The following ACCSL variants were observed in gnomAD, a reference collection of about 807,000 sequenced individuals.
The protein encoded by ACCSL is 1-aminocyclopropane-1-carboxylate synthase homolog (inactive) like.
Under a neutral mutation model 61.7 loss-of-function variants are expected in ACCSL, and 55 were observed. That is an observed-to-expected ratio of 0.89 (90% CI 0.72 to 1.12). The LOEUF is 1.12. ACCSL is among the 50% of genes most tolerant of loss of function. The probability of loss-of-function intolerance (pLI) is 0.00; values close to 1 mark genes in which losing one functional copy is unlikely to be tolerated. For synonymous variants in ACCSL, 258 were observed against 264.3 expected (o/e 0.98, Z 0.23); for missense variants, 632 against 698.0 (o/e 0.91, Z 1.07).
intron 8 of ACCSL, 132 bp downstream of exon 8, chr11:44,053,638 G>A: frequency 5.2e-6 from 4 of 765,246 alleles, no homozygotes; most frequent in Non-Finnish European, 8.5e-6. Flanking sequence ...CGAGAAGGTG[G>A]ATCACTTGAG....
chr11:44,035,551 G>C, the ACCSL span, among the ~76,000 whole-genome samples: 22 of 152,172 alleles, frequency 1.4e-4, no homozygotes, highest in Non-Finnish European at 3.1e-4. Context: ...GAAAGAAGCA[G>C]AGTAAAGCAT....
the ACCSL span, among the ~76,000 whole-genome samples, chr11:43,983,544 T>C: frequency 6.6e-6 from 1 of 152,106 alleles, no homozygotes; most frequent in African/African-American, 2.4e-5. Flanking sequence ...AATGATTGCA[T>C]TGAGATCATG....
the ACCSL span, among the ~76,000 whole-genome samples, chr11:43,957,523 C>G: frequency 2.0e-5 from 3 of 152,234 alleles, no homozygotes; most frequent in East Asian, 5.8e-4. Flanking sequence ...CTTATCAGAC[C>G]TTAAAAGGCG....
At chr11:44,007,431 T>C in the ACCSL span, among the ~76,000 whole-genome samples, 1 of 152,186 alleles carries the variant, frequency 6.6e-6, no homozygotes, top group Admixed American at 6.5e-5. Flanking sequence ...GGGAAGCATC[T>C]GTGCAAAAGC....
chr11:44,020,007 T>C, the ACCSL span, among the ~76,000 whole-genome samples: 1 of 152,232 alleles, frequency 6.6e-6, no homozygotes. Context: ...TGGAAAAAAC[T>C]ATTTTTGCCC....
At chr11:43,947,242 C>T in the ACCSL span, 2 of 152,206 alleles carry the variant, frequency 1.3e-5, no homozygotes, top group Non-Finnish European at 2.9e-5. Context: ...CACACATTGC[C>T]GTGGGGAGGG....
At chr11:44,038,337 C>G in the ACCSL span, among the ~76,000 whole-genome samples, 1 of 152,124 alleles carries the variant, frequency 6.6e-6, no homozygotes, top group African/African-American at 2.4e-5. Flanking sequence ...GCACTGCCTA[C>G]CTGTTGTGTT....
At chr11:43,922,628 A>G in the ACCSL span, among the ~76,000 whole-genome samples, 1 of 152,182 alleles carries the variant, frequency 6.6e-6, no homozygotes, top group Non-Finnish European at 1.5e-5. Flanking sequence ...GAGTTAGACA[A>G]ATTCTCAGCC....
chr11:43,999,140 C>T, the ACCSL span, among the ~76,000 whole-genome samples: 2 of 152,160 alleles, frequency 1.3e-5, no homozygotes, highest in Non-Finnish European at 2.9e-5. Flanking sequence ...ATGTTAAGCG[C>T]TTAAGACACA....
the ACCSL span, among the ~76,000 whole-genome samples, chr11:44,025,042 T>C: frequency 6.6e-6 from 1 of 152,224 alleles, no homozygotes; most frequent in South Asian, 2.1e-4. Context: ...GTAAATATTC[T>C]ATTCTTTTAC....
At chr11:44,020,909 T>G in the ACCSL span, among the ~76,000 whole-genome samples, 1 of 152,200 alleles carries the variant, frequency 6.6e-6, no homozygotes, top group African/African-American at 2.4e-5. Flanking sequence ...TTACTTCACT[T>G]AGAATGATGG....
chr11:43,940,656 G>A, the ACCSL span, among the ~76,000 whole-genome samples: 3 of 152,048 alleles, frequency 2.0e-5, no homozygotes, highest in African/African-American at 4.8e-5. Flanking sequence ...CACCGCACCC[G>A]GCTGAAATTC....
At chr11:44,059,817 G>C (rs1322648401) in intron 13 of ACCSL, 21 bp from the exon 14 acceptor site, 1 of 1,609,244 alleles carries the variant, frequency 6.2e-7, no homozygotes, top group Non-Finnish European at 8.5e-7. Flanking sequence ...ATTTCTCTCT[G>C]TCCCCATTTG....
the ACCSL span, among the ~76,000 whole-genome samples, chr11:44,028,562 A>G: frequency 6.6e-6 from 1 of 152,314 alleles, no homozygotes; most frequent in East Asian, 1.9e-4. Flanking sequence ...CAGCTGCTCC[A>G]TGGGTCTGCC....
chr11:43,956,503 T>C, the ACCSL span, among the ~76,000 whole-genome samples: 4 of 152,216 alleles, frequency 2.6e-5, no homozygotes, highest in South Asian at 6.2e-4. Flanking sequence ...CACTGCAACC[T>C]CAGCCTCCTG....
the ACCSL span, among the ~76,000 whole-genome samples, chr11:43,987,888 G>A: frequency 6.6e-6 from 1 of 152,202 alleles, no homozygotes; most frequent in South Asian, 2.1e-4. Flanking sequence ...AGGCAGAGAA[G>A]ATTTTTCCTT....
the ACCSL span, among the ~76,000 whole-genome samples, chr11:43,992,777 G>T: frequency 6.6e-6 from 1 of 152,206 alleles, no homozygotes; most frequent in African/African-American, 2.4e-5. Context: ...CATTAGTATA[G>T]GTGCAGTAAC....
Position 44,051,379 on chromosome 11 carries a change from C to T in ACCSL, c.680C>T (p.Ala227Val), listed in dbSNP as rs202044258. ...CGGTTCCTGACCTACTACTGCAGGG[C>T]ACCTACCCGACTTGACCCAGAAAAT... Reference protein sequence around the residue: ...VARFLTYYCRAPTRLDPENVV... With the variant: ...VARFLTYYCRVPTRLDPENVV... Residue 227 changes from alanine (A) to valine (V), a missense_variant, in exon 4 of 14, where the codon GCA becomes GTA. Coordinates refer to ENST00000378832, the MANE Select transcript of ACCSL (RefSeq NM_001031854.2). The T allele has an allele frequency of 1.9e-5, 30 of 1,614,168 alleles. No homozygotes were observed. The East Asian group carries it at 6.5e-4, about 35-fold the overall frequency.
At chr11:44,051,126 C>A (rs1245914851) in intron 3 of ACCSL, among the ~76,000 whole-genome samples, 4 of 152,208 alleles carry the variant, frequency 2.6e-5, no homozygotes, top group Non-Finnish European at 5.9e-5. Flanking sequence ...CAGGCATGAG[C>A]CACTGTGCCC....
Sources: gnomAD v4.1 joint callset for allele counts (sites outside exome capture counted in the v4.1 genomes callset) on GRCh38, gnomAD v4.1.1 for gene constraint, MANE v1.5 for transcripts, NCBI Gene and HGNC (gene_info 2026-07-23, HGNC 2026-07-21) for gene names.